ITPKC: variants seen among roughly 807,000 people sequenced by gnomAD.
ITPKC encodes the protein inositol-trisphosphate 3-kinase C.
In ITPKC, 33 loss-of-function variants were observed where a neutral mutation model predicts 67.1. That is an observed-to-expected ratio of 0.49 (90% confidence interval 0.37 to 0.66). The LOEUF (loss-of-function observed/expected upper bound fraction) is 0.66, where lower values mean the gene tolerates loss of function less well. Ranked by LOEUF, ITPKC falls within the 30% of genes least tolerant of loss-of-function variation. ITPKC has a pLI of 0.00. For synonymous variants in ITPKC, 341 were observed against 359.8 expected (o/e 0.95, Z 0.59); for missense variants, 820 against 892.1 (o/e 0.92, Z 1.03).
chr19:40,739,291 G>C (rs781022655), intron 6 of ITPKC, 66 bp from the exon 7 acceptor site: 2 of 1,215,338 alleles, frequency 1.6e-6, no homozygotes, highest in Non-Finnish European at 2.4e-6. Flanking sequence ...CTGCTCTGCT[G>C]CCTGTCAGGA....
chr19:40,726,666 A>G (rs2082247666), intron 2 of ITPKC, among the ~76,000 whole-genome samples: 2 of 152,244 alleles, frequency 1.3e-5, no homozygotes, highest in Non-Finnish European at 2.9e-5. Flanking sequence ...TGACCTGGAA[A>G]TAAGGCAAGA....
chr19:40,717,673 G>C lies in ITPKC; in HGVS notation c.538G>C (p.Gly180Arg). The C allele has an allele frequency of 6.2e-7, 1 of 1,614,136 alleles. No individual in the cohort carries two copies. The highest frequency in any genetic ancestry group is 8.5e-7 in the Non-Finnish European group (1 of 1,180,016). Reference sequence around the variant, plus strand: ...GCCCTGGACAGAGCTGGAAACGCATGGGTCACAGACTCAGCCAGAGAGGGT... The same window carrying C: ...GCCCTGGACAGAGCTGGAAACGCATCGGTCACAGACTCAGCCAGAGAGGGT... ...HGPWTELETH[G>R]SQTQPERVKS... Residue 180 changes from glycine (G) to arginine (R), a missense_variant, in exon 1 of 7, where the codon GGG becomes CGG. Transcript: ENST00000263370.
At chr19:40,738,132 A>G (rs2082303727) in intron 6 of ITPKC, among the ~76,000 whole-genome samples, 1 of 151,972 alleles carries the variant, frequency 6.6e-6, no homozygotes. Context: ...CGTCTCTATT[A>G]AAAATACAAA....
intron 2 of ITPKC, among the ~76,000 whole-genome samples, chr19:40,728,168 G>A (rs144312421): frequency 3.9e-4 from 60 of 152,132 alleles, no homozygotes; most frequent in Non-Finnish European, 1.6e-4. Context: ...CCAGGAGTTC[G>A]AGACCAGCCT....
intron 2 of ITPKC, among the ~76,000 whole-genome samples, chr19:40,727,442 A>G (rs1409831730): frequency 6.6e-6 from 1 of 152,334 alleles, no homozygotes; most frequent in East Asian, 1.9e-4. Context: ...TAAAACAATC[A>G]TTTTATTGAC....
At chr19:40,718,736 C>G (rs1325047579) in intron 1 of ITPKC, among the ~76,000 whole-genome samples, 2 of 152,156 alleles carry the variant, frequency 1.3e-5, no homozygotes, top group Non-Finnish European at 2.9e-5. Flanking sequence ...CTGTGGCTGT[C>G]TTAAAGGGTC....
chr19:40,717,936 C>A lies in ITPKC; in HGVS notation c.801C>A (p.Phe267Leu). The A allele has an allele frequency of 1.2e-6, 2 of 1,614,158 alleles. No individual in the cohort carries two copies. The highest frequency in any genetic ancestry group is 1.7e-6 in the Non-Finnish European group (2 of 1,180,030). The change falls in exon 1 of 7, where the codon TTC (phenylalanine) becomes TTA (leucine). Residue 267 changes from phenylalanine (F) to leucine (L), a missense_variant. Phe to Leu is a conservative substitution (Grantham distance 22). Around this residue, in one of 2 missense-constraint regions of ITPKC, gnomAD observed 481 missense variants for 470.1 expected, o/e 1.02. Transcript: ENST00000263370. ...GGAAACAGCCTGGCACTGGTGGTTTCCAAATACAACAGGATACTGATGGCT... is the reference window on the plus strand; with the variant it reads ...GGAAACAGCCTGGCACTGGTGGTTTACAAATACAACAGGATACTGATGGCT... ...AARKQPGTGGFQIQQDTDGSW... is the reference protein window; with the variant it reads ...AARKQPGTGGLQIQQDTDGSW...
At chr19:40,731,327 C>T (rs2082269689) in intron 3 of ITPKC, among the ~76,000 whole-genome samples, 1 of 152,164 alleles carries the variant, frequency 6.6e-6, no homozygotes, top group African/African-American at 2.4e-5. Context: ...ATTGTATGCT[C>T]CTATGAGAAT....
intron 1 of ITPKC, among the ~76,000 whole-genome samples, chr19:40,720,656 G>A (rs956580311): frequency 2.6e-5 from 4 of 151,996 alleles, no homozygotes; most frequent in African/African-American, 4.8e-5. Context: ...TCAGTGCTGC[G>A]TTTGGAGCCT....
Position 40,717,118 on chromosome 19 carries a change from C to T in ITPKC, c.-18C>T. ...AGGAGGGGCCGGGTCGGCCGAAGCC[C>T]GAACCGAAGGAGCGGGCATGAGGCG... On this transcript the variant is annotated 5_prime_UTR_variant, in exon 1 of 7. Coordinates refer to ENST00000263370, the MANE Select transcript of ITPKC (RefSeq NM_025194.3). 8.2e-7 allele frequency: 1 copy of T among 1,220,686 alleles called. No individual in the cohort carries two copies. 75.6% of individuals were successfully genotyped at this position (1,220,686 alleles called of 1,614,324 possible).
chr19:40,737,643 G>A, intron 5 of ITPKC, 55 bp from the exon 6 acceptor site: 1 of 1,496,184 alleles, frequency 6.7e-7, no homozygotes, highest in Non-Finnish European at 9.3e-7. Context: ...AGCTCAAGGT[G>A]GGCAAGGCCC....
Position 40,725,395 on chromosome 19 carries a change from C to T in ITPKC, c.1211C>T (p.Ser404Phe), listed in dbSNP as rs202047205. The change falls in exon 2 of 7, where the codon TCC becomes TTC. Residue 404 changes from serine (S) to phenylalanine (F), a missense_variant. Physicochemically the swap from Ser to Phe is radical, Grantham distance 155. Coordinates refer to ENST00000263370, the MANE Select transcript of ITPKC (RefSeq NM_025194.3). ...TVLKYSPFVV[S>F]FRKHYPWVQL... ...CTGAAGTATTCACCCTTTGTGGTCT[C>T]CTTCCGAAAACACTACCCTTGGGTC... is the stretch of plus-strand genomic sequence containing the variant. The T allele has an allele frequency of 2.0e-4, 315 of 1,614,026 alleles. No individual in the cohort carries two copies. The highest frequency in any genetic ancestry group is 2.6e-4 in the Non-Finnish European group (303 of 1,179,838).
Position 40,739,493 on chromosome 19 carries a change from G to A in ITPKC, c.1985G>A (p.Arg662His), listed in dbSNP as rs771566690. Residue 662 changes from arginine (R) to histidine (H), a missense_variant, in exon 7 of 7, where the codon CGT (arginine) becomes CAT (histidine). Physicochemically the swap from Arg to His is conservative, Grantham distance 29. Transcript: ENST00000263370. ...SHRLPWAEGN[R>H]EDGYLWGLDN... ...AGGCTGCCCTGGGCTGAGGGCAACCGTGAGGACGGCTACCTCTGGGGCCTG... is the reference window on the plus strand; with the variant it reads ...AGGCTGCCCTGGGCTGAGGGCAACCATGAGGACGGCTACCTCTGGGGCCTG... The A allele has an allele frequency of 3.3e-5, 54 of 1,613,500 alleles. No homozygotes were observed. The highest frequency in any genetic ancestry group is 1.6e-4 in the Middle Eastern group (1 of 6,082).
At position 40,739,575 on chromosome 19, in the gene ITPKC, A is replaced by G; in HGVS notation, c.*15A>G. The G allele has an allele frequency of 6.2e-7, 1 of 1,607,134 alleles. No individual in the cohort carries two copies. Among genetic ancestry groups the G allele is most frequent in the Non-Finnish European group, 8.5e-7 (1 of 1,176,268 alleles). On this transcript the variant is annotated 3_prime_UTR_variant, in exon 7 of 7. Transcript: ENST00000263370. ...CACAGAGCTGAGCTGCTCAGCCACC[A>G]TCAGGTTAATTGGATGGCGCCAGTC...
At chr19:40,738,419 ACT>A (rs1381116603) in intron 6 of ITPKC, among the ~76,000 whole-genome samples, 2 of 151,786 alleles carry the variant, frequency 1.3e-5, no homozygotes, top group East Asian at 1.9e-4. Context: ...ACAGAGTGAG[ACT>A]CTGTCTCAAC....
Position 40,717,427 on chromosome 19 carries a change from G to T in ITPKC, c.292G>T (p.Ala98Ser), listed in dbSNP as rs1326101264. ...CTGGACAGACGGACAGACTGAGCCC[G>T]CGGCAGCTGGCCTTGGAGTAGAGAC... ...EFWTDGQTEPAAAGLGVETER... is the reference protein window; with the variant it reads ...EFWTDGQTEPSAAGLGVETER... Residue 98 changes from alanine to serine, a missense_variant, in exon 1 of 7, where the codon GCG becomes TCG. Transcript: ENST00000263370. The T allele has an allele frequency of 6.2e-7, 1 of 1,613,816 alleles. No homozygotes were observed. The highest frequency in any genetic ancestry group is 1.3e-5 in the African/African-American group (1 of 74,942).
rs1227006633 is a variant in ITPKC, at chr19:40,718,198, G to C, written c.1063G>C (p.Gly355Arg). ...GPPSRVEGGS[G>R]GFSSASSFDE... ...CCCCTCCCGGGTTGAGGGGGGCAGC[G>C]GCGGCTTCTCCTCTGCCTCTTCTTT... Residue 355 changes from glycine to arginine, a missense_variant, in exon 1 of 7, where the codon GGC becomes CGC. Transcript: ENST00000263370. The C allele has an allele frequency of 1.9e-6, 3 of 1,570,180 alleles. No individual in the cohort carries two copies. Among genetic ancestry groups the C allele is most frequent in the Non-Finnish European group, 2.6e-6 (3 of 1,161,738 alleles).
At chr19:40,722,473 T>A (rs145271140) in intron 1 of ITPKC, among the ~76,000 whole-genome samples, 1 of 152,048 alleles carries the variant, frequency 6.6e-6, no homozygotes, top group Non-Finnish European at 1.5e-5. Context: ...CCTGACTCCC[T>A]CTTAACCTTC....
chr19:40,740,599 G>A lies in ITPKC; in HGVS notation c.*1039G>A, dbSNP rs1216588855. The stretch of plus-strand genomic sequence containing the variant: ...GTAGAACCCTGGGGTGTGGCTAACG[G>A]CCCCTCCAGCACCCATAGCCAGGTC... On this transcript the variant is annotated 3_prime_UTR_variant, in exon 7 of 7. Coordinates refer to ENST00000263370, the MANE Select transcript of ITPKC (RefSeq NM_025194.3). 1.7e-5 allele frequency: 4 copies of A among 233,746 alleles called. No homozygotes were observed. Among genetic ancestry groups the A allele is most frequent in the Non-Finnish European group, 3.3e-5 (4 of 120,412 alleles). 14.5% of individuals were successfully genotyped at this position (233,746 alleles called of 1,614,324 possible).
Sources: gnomAD v4.1 joint callset for allele counts (sites outside exome capture counted in the v4.1 genomes callset) on GRCh38, gnomAD v4.1.1 for gene constraint, gnomAD v4.1.1 regional missense constraint, MANE v1.5 for transcripts, NCBI Gene and HGNC (gene_info 2026-07-23, HGNC 2026-07-21) for gene names.